SCHIP1: variants seen among roughly 807,000 people sequenced by gnomAD.
SCHIP1 encodes schwannomin-interacting protein 1.
SCHIP1 carries 8 observed loss-of-function variants against 29.7 expected under a neutral mutation model. The observed-to-expected ratio is 0.27, with a 90% CI of 0.16 to 0.49. SCHIP1 has a LOEUF of 0.49. Ranked by LOEUF, SCHIP1 falls within the 20% of genes least tolerant of loss-of-function variation. The pLI is 0.99. For missense variants in SCHIP1, 193 were observed against 294.6 expected (o/e 0.66, Z 2.52); for synonymous variants, 76 against 94.9 (o/e 0.80, Z 1.16).
chr3:159,721,799 G>T, the SCHIP1 span: 1 of 430,416 alleles, frequency 2.3e-6, no homozygotes, highest in South Asian at 2.1e-5. Context: ...GCTGGGCTTT[G>T]GCATCCTCCA....
chr3:159,765,149 C>T, the SCHIP1 span: 9 of 1,549,698 alleles, frequency 5.8e-6, no homozygotes, highest in Admixed American at 1.9e-5. Context: ...GTAAGTTGGC[C>T]GGGGTGCGTG....
At chr3:159,867,116 A>G (rs952938931) in intron 2 of SCHIP1, among the ~76,000 whole-genome samples, 2 of 152,194 alleles carry the variant, frequency 1.3e-5, no homozygotes, top group Non-Finnish European at 2.9e-5. Flanking sequence ...CGGGTATTCC[A>G]AGTGATGAAA....
the SCHIP1 span, among the ~76,000 whole-genome samples, chr3:159,330,694 C>T: frequency 2.0e-5 from 3 of 152,256 alleles, no homozygotes; most frequent in African/African-American, 7.2e-5. Context: ...TTTCAAGGTA[C>T]AGCAGAAGAA....
At chr3:159,884,216 T>G (rs1716729738) in intron 2 of SCHIP1, among the ~76,000 whole-genome samples, 1 of 152,132 alleles carries the variant, frequency 6.6e-6, no homozygotes, top group Non-Finnish European at 1.5e-5. Context: ...AACTTGAGTA[T>G]TATTATTAAA....
the SCHIP1 span, among the ~76,000 whole-genome samples, chr3:159,504,567 T>C: frequency 1.5e-3 from 232 of 152,292 alleles, 6 homozygotes; most frequent in South Asian, 0.028. Context: ...AATCCAAAAA[T>C]TCTTATATTT....
the SCHIP1 span, among the ~76,000 whole-genome samples, chr3:159,293,952 G>A: frequency 6.6e-6 from 1 of 152,044 alleles, no homozygotes; most frequent in African/African-American, 2.4e-5. Flanking sequence ...TAGAAATCCA[G>A]GCCAGATACT....
the SCHIP1 span, among the ~76,000 whole-genome samples, chr3:159,280,873 A>G: frequency 6.6e-6 from 1 of 152,190 alleles, no homozygotes; most frequent in Non-Finnish European, 1.5e-5. Context: ...ACAGACAAAA[A>G]AGCAATGCAC....
the SCHIP1 span, among the ~76,000 whole-genome samples, chr3:159,776,110 C>A: frequency 1.3e-5 from 2 of 152,062 alleles, no homozygotes; most frequent in African/African-American, 2.4e-5. Context: ...TAGAAAAGAA[C>A]CTAAATGCTA....
chr3:159,891,028 T>C (rs1262602674), intron 5 of SCHIP1, among the ~76,000 whole-genome samples: 1 of 152,122 alleles, frequency 6.6e-6, no homozygotes, highest in Non-Finnish European at 1.5e-5. Flanking sequence ...GTTCATGTTT[T>C]TCAGTGGCAG....
chr3:159,659,301 A>T, the SCHIP1 span, among the ~76,000 whole-genome samples: 3 of 152,206 alleles, frequency 2.0e-5, no homozygotes, highest in South Asian at 6.2e-4. Context: ...TGAAATCTCC[A>T]TGAGGACAGA....
At chr3:159,694,590 AAG>A in the SCHIP1 span, among the ~76,000 whole-genome samples, 75 of 150,164 alleles carry the variant, frequency 5.0e-4, no homozygotes, top group South Asian at 1.1e-3. Context: ...GAAAGAAAGA[AAG>A]AAAGAAAGAA....
At chr3:159,601,590 G>A in the SCHIP1 span, among the ~76,000 whole-genome samples, 1 of 152,212 alleles carries the variant, frequency 6.6e-6, no homozygotes, top group Non-Finnish European at 1.5e-5. Context: ...TCTGCCAGTG[G>A]CAAAGGATGT....
chr3:159,829,839 C>T, the SCHIP1 span, among the ~76,000 whole-genome samples: 2 of 152,130 alleles, frequency 1.3e-5, no homozygotes, highest in African/African-American at 4.8e-5. Context: ...GCCTAACAGT[C>T]GGTTGTGCAA....
chr3:159,848,630 T>G (rs1016377359), intron 1 of SCHIP1, among the ~76,000 whole-genome samples: 1 of 152,100 alleles, frequency 6.6e-6, no homozygotes, highest in Non-Finnish European at 1.5e-5. Flanking sequence ...GCAACCCTTC[T>G]ACACTTTAAG....
At chr3:159,708,960 A>T in the SCHIP1 span, among the ~76,000 whole-genome samples, 408 of 152,306 alleles carry the variant, frequency 2.7e-3, 3 homozygotes, top group African/African-American at 9.2e-3. Context: ...GAGTTCCTTC[A>T]ACAGCTGAAC....
At chr3:159,895,617 C>G (rs186379458) in intron 6 of SCHIP1, among the ~76,000 whole-genome samples, 1 of 152,264 alleles carries the variant, frequency 6.6e-6, no homozygotes, top group Non-Finnish European at 1.5e-5. Context: ...TACCTCTGCC[C>G]CACTGTCTAG....
the SCHIP1 span, chr3:159,764,768 G>C: frequency 6.4e-7 from 1 of 1,569,300 alleles, no homozygotes; most frequent in Non-Finnish European, 8.6e-7. This position sits in a 1 kb window ranked among gnomAD's most constrained non-coding sequence, Gnocchi z 6.1. Flanking sequence ...GCCAGGACCC[G>C]CAGCGGCGGC....
chr3:159,530,930 A>G, the SCHIP1 span, among the ~76,000 whole-genome samples: 7 of 152,176 alleles, frequency 4.6e-5, no homozygotes, highest in Admixed American at 4.6e-4. Flanking sequence ...ATGATTTTTA[A>G]TGTGATAGCA....
the SCHIP1 span, among the ~76,000 whole-genome samples, chr3:159,301,169 C>A: frequency 5.3e-5 from 8 of 152,076 alleles, no homozygotes; most frequent in African/African-American, 1.9e-4. Context: ...AGCCTCATAT[C>A]AACTTTTGGA....
Sources: allele counts gnomAD v4.1 joint callset (sites outside exome capture counted in the v4.1 genomes callset), GRCh38; gene constraint gnomAD v4.1.1; non-coding constraint Gnocchi (gnomAD v3.1); transcripts MANE v1.5; gene names NCBI Gene and HGNC (gene_info 2026-07-23, HGNC 2026-07-21).